The following TMEM272 variants were observed in gnomAD, a reference collection of about 807,000 sequenced individuals.
TMEM272 encodes transmembrane protein 272.
TMEM272 carries 8 observed loss-of-function variants against 3.7 expected under a neutral mutation model. The ratio of observed to expected loss-of-function variants is 2.17; its 90% CI spans 1.27 to 3.91. The LOEUF is 3.91. TMEM272 is among the 30% of genes most tolerant of loss of function. The pLI is 0.00. For missense variants in TMEM272, 166 were observed against 91.5 expected, an observed-to-expected ratio of 1.81 and a Z score of -3.32; for synonymous variants, 63 against 39.8, an observed-to-expected ratio of 1.58 and a Z score of -2.20.
At chr13:51,851,626 G>A in the TMEM272 span, among the ~76,000 whole-genome samples, 1 of 148,006 alleles carries the variant, frequency 6.8e-6, no homozygotes, top group African/African-American at 2.5e-5. Context: ...CTGGGTTCAA[G>A]CAATTCTCCT....
the TMEM272 span, among the ~76,000 whole-genome samples, chr13:51,861,168 T>C: frequency 1.3e-5 from 2 of 151,934 alleles, no homozygotes; most frequent in African/African-American, 4.8e-5. Flanking sequence ...AAAAGTCAAA[T>C]ACACAGACAA....
At chr13:51,895,266 G>C in the TMEM272 span, among the ~76,000 whole-genome samples, 1 of 152,176 alleles carries the variant, frequency 6.6e-6, no homozygotes, top group East Asian at 1.9e-4. Flanking sequence ...TATTGGGGTG[G>C]TTTGTGGGGA....
chr13:51,896,947 G>A, the TMEM272 span, among the ~76,000 whole-genome samples: 8 of 152,206 alleles, frequency 5.3e-5, no homozygotes, highest in Non-Finnish European at 1.2e-4. Flanking sequence ...ACCTTGACAG[G>A]AGTTAGTCTG....
chr13:51,852,428 A>T, the TMEM272 span, among the ~76,000 whole-genome samples: 5 of 152,212 alleles, frequency 3.3e-5, no homozygotes, highest in Non-Finnish European at 7.3e-5. Context: ...TCTTTCACAA[A>T]GCCTGCTTCC....
chr13:51,887,014 C>T, the TMEM272 span, among the ~76,000 whole-genome samples: 9 of 152,320 alleles, frequency 5.9e-5, no homozygotes, highest in Non-Finnish European at 1.2e-4. Context: ...CCAATCAGTT[C>T]TCCGCTTGCA....
chr13:51,889,919 G>A, the TMEM272 span, among the ~76,000 whole-genome samples: 1 of 152,182 alleles, frequency 6.6e-6, no homozygotes. Flanking sequence ...GGGATTACAG[G>A]TGTGAGCCAC....
At chr13:51,875,099 G>C in the TMEM272 span, among the ~76,000 whole-genome samples, 1 of 152,212 alleles carries the variant, frequency 6.6e-6, no homozygotes, top group Admixed American at 6.5e-5. Context: ...CTTGAGAACA[G>C]AACAGTTGCT....
At chr13:51,906,760 C>G in the TMEM272 span, among the ~76,000 whole-genome samples, 1 of 152,192 alleles carries the variant, frequency 6.6e-6, no homozygotes, top group Non-Finnish European at 1.5e-5. Context: ...TCAGAGACAG[C>G]AACCCAAAGC....
intron 2 of TMEM272, among the ~76,000 whole-genome samples, chr13:51,831,917 G>C (rs1021690291): frequency 1.3e-5 from 2 of 152,208 alleles, no homozygotes; most frequent in Non-Finnish European, 2.9e-5. Flanking sequence ...TGAAAGAGCT[G>C]GGTGAAAATA....
At chr13:51,930,940 T>C in the TMEM272 span, among the ~76,000 whole-genome samples, 1 of 152,190 alleles carries the variant, frequency 6.6e-6, no homozygotes, top group Non-Finnish European at 1.5e-5. Flanking sequence ...TTTTCTAACA[T>C]GTCAATTTCC....
the TMEM272 span, among the ~76,000 whole-genome samples, chr13:51,864,108 C>T: frequency 6.6e-6 from 1 of 151,288 alleles, no homozygotes; most frequent in Admixed American, 6.6e-5. Flanking sequence ...TCCTTCCTTC[C>T]CTCCCTCTCT....
chr13:51,876,127 A>C, the TMEM272 span, among the ~76,000 whole-genome samples: 47 of 152,162 alleles, frequency 3.1e-4, no homozygotes, highest in African/African-American at 8.0e-4. Context: ...GTTCCCCCCA[A>C]AAAAAGGAAC....
chr13:51,915,966 G>C, the TMEM272 span, among the ~76,000 whole-genome samples: 1 of 152,058 alleles, frequency 6.6e-6, no homozygotes, highest in Admixed American at 6.5e-5. Context: ...CCAGCTACTC[G>C]GGAGGCCGAG....
the TMEM272 span, among the ~76,000 whole-genome samples, chr13:51,895,325 T>C: frequency 1.3e-5 from 2 of 152,180 alleles, no homozygotes; most frequent in African/African-American, 4.8e-5. Context: ...ATTGTCCTCT[T>C]CAGCTGCCAT....
rs1000558730 is a variant in TMEM272 at position 51,815,791 on chromosome 13, G to A, written c.*960C>T. 7.9e-5 allele frequency: 12 copies of A among 152,188 alleles called. No homozygotes were observed. The East Asian group carries it at 1.2e-3, about 15-fold the overall frequency. 9.4% of individuals were successfully genotyped at this position (152,188 alleles called of 1,614,324 possible). Reference sequence around the variant, plus strand: ...GAGGGAAGGTTAGTGGTCACTGTTCGGTGTCATCCTGGACTTCCAGACATC... The same window carrying A: ...GAGGGAAGGTTAGTGGTCACTGTTCAGTGTCATCCTGGACTTCCAGACATC... On this transcript the variant is annotated 3_prime_UTR_variant, in exon 5 of 5. Coordinates refer to ENST00000629372, the MANE Select transcript of TMEM272 (RefSeq NM_001351003.2).
chr13:51,931,339 G>A, the TMEM272 span, among the ~76,000 whole-genome samples: 13 of 151,320 alleles, frequency 8.6e-5, no homozygotes, highest in South Asian at 2.5e-3. Flanking sequence ...GTCCTTTGCA[G>A]GGACATGGAT....
At chr13:51,846,398 T>C (rs1447916067), upstream of TMEM272, among the ~76,000 whole-genome samples, 4 of 152,264 alleles carry the variant, frequency 2.6e-5, no homozygotes, top group African/African-American at 9.6e-5. Context: ...ACTGATGTGT[T>C]TGTGGTGATG....
At chr13:51,829,069 A>C (rs553767295) in intron 2 of TMEM272, among the ~76,000 whole-genome samples, 3 of 152,370 alleles carry the variant, frequency 2.0e-5, no homozygotes, top group Admixed American at 6.5e-5. Flanking sequence ...CCATATCAAG[A>C]AGCAAAATGA....
intron 4 of TMEM272, among the ~76,000 whole-genome samples, chr13:51,820,223 G>A (rs1037058160): frequency 6.6e-6 from 1 of 152,188 alleles, no homozygotes; most frequent in Non-Finnish European, 1.5e-5. Flanking sequence ...TCCATGAAAT[G>A]TCAGCTCACA....
Sources: allele counts gnomAD v4.1 joint callset (sites outside exome capture counted in the v4.1 genomes callset), GRCh38; gene constraint gnomAD v4.1.1; transcripts MANE v1.5; gene names NCBI Gene and HGNC (gene_info 2026-07-23, HGNC 2026-07-21).